The following IMPA2 variants were observed in gnomAD, a reference collection of about 807,000 sequenced individuals.
IMPA2 encodes inositol monophosphatase 2, also known as IMP 2.
A neutral mutation model predicts 35.1 loss-of-function variants in IMPA2; 32 were observed. That is an observed-to-expected ratio of 0.91 (90% CI 0.69 to 1.23). The LOEUF is 1.23. Among genes scored for constraint, IMPA2 ranks in the 50% most tolerant of loss-of-function variants. The pLI is 0.00. For synonymous variants in IMPA2, 135 were observed against 160.6 expected (o/e 0.84, Z 1.20); for missense variants, 334 against 387.6 (o/e 0.86, Z 1.16).
intron 5 of IMPA2, chr18:12,017,728 A>G (rs767632756): frequency 8.2e-5 from 28 of 339,866 alleles, no homozygotes; most frequent in Non-Finnish European, 1.4e-4. Flanking sequence ...AGCTGGGACT[A>G]CAGGCATGCG....
chr18:11,993,164 A>G (rs1314533683), intron 1 of IMPA2, among the ~76,000 whole-genome samples: 2 of 152,194 alleles, frequency 1.3e-5, no homozygotes, highest in Non-Finnish European at 2.9e-5. Context: ...AAACAACCCA[A>G]TGTGTTAGAT....
At chr18:11,999,302 C>T in intron 2 of IMPA2, 115 bp downstream of exon 2, 1 of 948,264 alleles carries the variant, frequency 1.1e-6, no homozygotes, top group Non-Finnish European at 1.5e-6. Flanking sequence ...AGACGTGAAG[C>T]CCTAAGCCAC....
At chr18:12,005,033 T>C (rs916771904) in intron 2 of IMPA2, among the ~76,000 whole-genome samples, 1 of 152,230 alleles carries the variant, frequency 6.6e-6, no homozygotes, top group Non-Finnish European at 1.5e-5. Flanking sequence ...TCTCTTCCCA[T>C]GTACCAGGGA....
At chr18:12,023,628 C>T (rs1907796845) in intron 5 of IMPA2, among the ~76,000 whole-genome samples, 1 of 152,120 alleles carries the variant, frequency 6.6e-6, no homozygotes. Context: ...CTGGGTGAGG[C>T]CTTTAAGAGT....
chr18:12,029,501 A>C (rs1055753010), intron 7 of IMPA2, among the ~76,000 whole-genome samples: 1 of 151,352 alleles, frequency 6.6e-6, no homozygotes, highest in African/African-American at 2.4e-5. Flanking sequence ...GGCTCACTGC[A>C]ACCTCCGCCT....
chr18:12,009,289 C>A (rs904037880), intron 2 of IMPA2, among the ~76,000 whole-genome samples: 2 of 151,886 alleles, frequency 1.3e-5, no homozygotes, highest in African/African-American at 2.4e-5. Context: ...AAAACAACAA[C>A]AAAAAAACCA....
At chr18:12,002,215 A>C (rs1907133440) in intron 2 of IMPA2, among the ~76,000 whole-genome samples, 1 of 152,222 alleles carries the variant, frequency 6.6e-6, no homozygotes, top group Non-Finnish European at 1.5e-5. Flanking sequence ...CTTTCTAAGT[A>C]TTTAAATATA....
chr18:12,029,891 C>A (rs767744918), intron 7 of IMPA2, among the ~76,000 whole-genome samples: 36 of 152,348 alleles, frequency 2.4e-4, no homozygotes, highest in Non-Finnish European at 4.3e-4. Context: ...GTGGGTCCCG[C>A]AGCAGCGGTG....
At chr18:11,992,436 G>A (rs1293701855) in intron 1 of IMPA2, among the ~76,000 whole-genome samples, 1 of 152,226 alleles carries the variant, frequency 6.6e-6, no homozygotes, top group African/African-American at 2.4e-5. Flanking sequence ...TGGCATAAAG[G>A]TCGGATGGGG....
chr18:12,028,665 G>T (rs1286024810), intron 6 of IMPA2, 177 bp from the exon 7 acceptor site: 3 of 702,764 alleles, frequency 4.3e-6, no homozygotes, highest in South Asian at 1.9e-5. Context: ...TCTGGCGGAG[G>T]CCTGTTGGTT....
chr18:12,003,475 G>A (rs1392156181), intron 2 of IMPA2, among the ~76,000 whole-genome samples: 4 of 152,112 alleles, frequency 2.6e-5, no homozygotes, highest in African/African-American at 4.8e-5. Context: ...ATGAAACCCC[G>A]TCTCTACTAA....
At chr18:11,987,640 T>C (rs1009093663) in intron 1 of IMPA2, among the ~76,000 whole-genome samples, 1 of 152,024 alleles carries the variant, frequency 6.6e-6, no homozygotes, top group African/African-American at 2.4e-5. Flanking sequence ...CTCATTCAAC[T>C]CTTGAGCAAA....
At chr18:12,002,174 T>C (rs1234592733) in intron 2 of IMPA2, among the ~76,000 whole-genome samples, 1 of 152,218 alleles carries the variant, frequency 6.6e-6, no homozygotes, top group East Asian at 1.9e-4. Context: ...TGTATACATA[T>C]TGTAAAATAG....
At position 12,028,102 on chromosome 18, in the gene IMPA2, A is replaced by G; in HGVS notation, c.550A>G (p.Lys184Glu). The change falls in exon 6 of 8, where the codon AAG becomes GAG. Residue 184 changes from lysine to glutamate, a missense_variant. Transcript: ENST00000269159. Reference sequence around the variant, plus strand: ...CCCCAAACGTGACCCTGCGACCCTGAAGCTGTTCCTGAGTAACATGGAGCG... The same window carrying G: ...CCCCAAACGTGACCCTGCGACCCTGGAGCTGTTCCTGAGTAACATGGAGCG... ...IGPKRDPATL[K>E]LFLSNMERLL... 6.2e-7 allele frequency: 1 copy of G among 1,614,154 alleles called. No individual in the cohort carries two copies. Among genetic ancestry groups the G allele is most frequent in the South Asian group, 1.1e-5 (1 of 91,086 alleles).
At chr18:12,013,719 C>G (rs1907496100) in intron 4 of IMPA2, among the ~76,000 whole-genome samples, 1 of 152,172 alleles carries the variant, frequency 6.6e-6, no homozygotes, top group Non-Finnish European at 1.5e-5. Flanking sequence ...ATGCTTTGTT[C>G]CCTGATGTGG....
At chr18:12,024,718 C>CCATCCCT (rs1907831532) in intron 5 of IMPA2, among the ~76,000 whole-genome samples, 1 of 151,804 alleles carries the variant, frequency 6.6e-6, no homozygotes, top group Non-Finnish European at 1.5e-5. Context: ...GCTTTTCTCC[C>CCATCCCT]CCTCCCTCCT....
intron 7 of IMPA2, 96 bp from the exon 8 acceptor site, chr18:12,030,247 T>C: frequency 2.3e-6 from 2 of 874,796 alleles, no homozygotes; most frequent in Non-Finnish European, 3.7e-6. Context: ...CCATGTGCCA[T>C]TTCCTGTGCT....
chr18:11,990,682 C>T (rs368139804), intron 1 of IMPA2, among the ~76,000 whole-genome samples: 5 of 152,158 alleles, frequency 3.3e-5, no homozygotes, highest in African/African-American at 4.8e-5. Flanking sequence ...GTTTCTGGCT[C>T]ATGCAGCTGG....
chr18:11,997,681 C>T (rs1200367277), intron 1 of IMPA2, among the ~76,000 whole-genome samples: 1 of 152,066 alleles, frequency 6.6e-6, no homozygotes, highest in Non-Finnish European at 1.5e-5. Flanking sequence ...CTGGCATGAG[C>T]GGGTCCTTGG....
Sources: gnomAD v4.1 joint callset for allele counts (sites outside exome capture counted in the v4.1 genomes callset) on GRCh38, gnomAD v4.1.1 for gene constraint, MANE v1.5 for transcripts, NCBI Gene and HGNC (gene_info 2026-07-23, HGNC 2026-07-21) for gene names.